FGF12: variants seen among roughly 807,000 people sequenced by gnomAD.
FGF12 encodes fibroblast growth factor 12B.
A neutral mutation model predicts 23.6 loss-of-function variants in FGF12; 14 were observed. The ratio of observed to expected loss-of-function variants is 0.59; its 90% CI spans 0.39 to 0.93. The LOEUF (loss-of-function observed/expected upper bound fraction) is 0.93. FGF12 is among the 40% of genes least tolerant of loss of function. FGF12 has a pLI of 0.00. For missense variants in FGF12, 175 were observed against 217.8 expected, an observed-to-expected ratio of 0.80 and a Z score of 1.24; for synonymous variants, 62 against 77.3, an observed-to-expected ratio of 0.80 and a Z score of 1.04.
At chr3:192,553,236 T>A (rs561696285) in intron 2 of FGF12, among the ~76,000 whole-genome samples, 1 of 152,140 alleles carries the variant, frequency 6.6e-6, no homozygotes, top group South Asian at 2.1e-4. Flanking sequence ...CTTTTACAAA[T>A]GTCATTAAAA....
chr3:192,324,757 C>T (rs1177506264), intron 4 of FGF12, among the ~76,000 whole-genome samples: 2 of 152,112 alleles, frequency 1.3e-5, no homozygotes, highest in African/African-American at 4.8e-5. Context: ...AATATGACTA[C>T]TTGTTGGCCT....
In FGF12 at chr3:192,430,300, G is replaced by A. The variant is rs543024740; in HGVS notation, c.14-69762C>T. On this transcript the variant is annotated intron_variant, in intron 2 of 5. Transcript: ENST00000445105. ...ACACTGTATTATTCTTCTTGTATGA[G>A]GTATTTAAAGTATCATATCCACAGA... 3.3e-5 allele frequency among the ~76,000 whole-genome samples: 5 copies of A among 152,214 alleles called. No homozygotes were observed. The South Asian group carries it at 1.0e-3, about 32-fold the overall frequency.
intron 2 of FGF12, among the ~76,000 whole-genome samples, chr3:192,687,731 G>C (rs1003226605): frequency 6.6e-6 from 1 of 151,988 alleles, no homozygotes; most frequent in Non-Finnish European, 1.5e-5. Flanking sequence ...CTTGTACCCA[G>C]AACTGGCCCT....
chr3:192,656,673 C>T (rs1716440196), intron 2 of FGF12, among the ~76,000 whole-genome samples: 1 of 152,152 alleles, frequency 6.6e-6, no homozygotes, highest in Admixed American at 6.5e-5. Context: ...GTAACAATGC[C>T]AGCTACTTCA....
intron 2 of FGF12, among the ~76,000 whole-genome samples, chr3:192,536,545 T>C (rs1004435600): frequency 6.6e-6 from 1 of 152,110 alleles, no homozygotes; most frequent in African/African-American, 2.4e-5. Context: ...CTATTAAAAT[T>C]AATAATAATG....
At chr3:192,637,193 T>C (rs1715614274) in intron 2 of FGF12, among the ~76,000 whole-genome samples, 1 of 152,190 alleles carries the variant, frequency 6.6e-6, no homozygotes, top group Non-Finnish European at 1.5e-5. Flanking sequence ...ATAATGACAC[T>C]TCAGTGATGC....
chr3:192,256,372 C>T (rs1037615182), intron 4 of FGF12, among the ~76,000 whole-genome samples: 4 of 112,674 alleles, frequency 3.6e-5, no homozygotes, highest in South Asian at 3.6e-4. Context: ...TTACTCATAC[C>T]GCACACACAC....
intron 3 of FGF12, among the ~76,000 whole-genome samples, chr3:192,346,627 C>G (rs2108716479): frequency 6.6e-6 from 1 of 152,256 alleles, no homozygotes; most frequent in African/African-American, 2.4e-5. Flanking sequence ...AACTAGAACG[C>G]AGTTGGCCTT....
chr3:192,711,050 C>T (rs537246846), intron 2 of FGF12, among the ~76,000 whole-genome samples: 62 of 152,300 alleles, frequency 4.1e-4, no homozygotes, highest in African/African-American at 1.4e-3. Context: ...GAACACAGAG[C>T]TTCCAGTCAC....
At chr3:192,436,267 G>A (rs1253029629) in intron 2 of FGF12, among the ~76,000 whole-genome samples, 1 of 152,192 alleles carries the variant, frequency 6.6e-6, no homozygotes, top group Non-Finnish European at 1.5e-5. Context: ...TACCAGAGAG[G>A]AACATTCACC....
chr3:192,647,712 CATATATATATACACATATAT>C (rs1560180834), intron 2 of FGF12, among the ~76,000 whole-genome samples: 16 of 142,916 alleles, frequency 1.1e-4, no homozygotes, highest in Non-Finnish European at 2.1e-4. Context: ...TGTATATATA[CATATATATATACACATATAT>C]ACATACATGT....
chr3:192,486,154 T>C (rs150347843), intron 2 of FGF12, among the ~76,000 whole-genome samples: 193 of 152,232 alleles, frequency 1.3e-3, no homozygotes, highest in African/African-American at 4.5e-3. Context: ...TTCAAGTCCT[T>C]TTATGCAGTG....
At chr3:192,458,431 C>T (rs1055719264) in intron 2 of FGF12, among the ~76,000 whole-genome samples, 1 of 152,216 alleles carries the variant, frequency 6.6e-6, no homozygotes, top group African/African-American at 2.4e-5. Flanking sequence ...CATGGAAACC[C>T]ACCTCTTGCA....
intron 2 of FGF12, among the ~76,000 whole-genome samples, chr3:192,410,347 G>T (rs1313703866): frequency 6.6e-6 from 1 of 152,118 alleles, no homozygotes; most frequent in African/African-American, 2.4e-5. Context: ...CGTGATTGAG[G>T]TTTGGATGAG....
chr3:192,190,600 C>T (rs528055681), intron 4 of FGF12, among the ~76,000 whole-genome samples: 13 of 151,264 alleles, frequency 8.6e-5, no homozygotes, highest in Non-Finnish European at 1.8e-4. Flanking sequence ...CTCAGCCTCC[C>T]GAGTAGCTGG....
chr3:192,393,125 G>C (rs183302835), intron 2 of FGF12, among the ~76,000 whole-genome samples: 1 of 152,262 alleles, frequency 6.6e-6, no homozygotes, highest in East Asian at 1.9e-4. Flanking sequence ...CATTCACCTT[G>C]TTTTGTTAGG....
At chr3:192,361,155 T>C (rs1718705880) in intron 2 of FGF12, among the ~76,000 whole-genome samples, 1 of 109,998 alleles carries the variant, frequency 9.1e-6, no homozygotes, top group Non-Finnish European at 1.7e-5. Flanking sequence ...GTTCCAAAGT[T>C]CATTTCTCCA....
chr3:192,641,735 G>T (rs759051423), intron 2 of FGF12, among the ~76,000 whole-genome samples: 31 of 152,160 alleles, frequency 2.0e-4, no homozygotes, highest in African/African-American at 3.6e-4. Flanking sequence ...TGGTTGAAAA[G>T]AAAACGTTTT....
intron 5 of FGF12, among the ~76,000 whole-genome samples, chr3:192,163,854 T>TGTGTGTGTGTG (rs1230107744): frequency 6.6e-6 from 1 of 150,792 alleles, no homozygotes; most frequent in South Asian, 2.1e-4. Context: ...TGTGTGTGTG[T>TGTGTGTGTGTG]TAGTACTGTC....
Sources: allele counts gnomAD v4.1 joint callset (sites outside exome capture counted in the v4.1 genomes callset), GRCh38; gene constraint gnomAD v4.1.1; transcripts MANE v1.5; gene names NCBI Gene and HGNC (gene_info 2026-07-23, HGNC 2026-07-21).